The following CD247 variants were observed in gnomAD, a reference collection of about 807,000 sequenced individuals.
CD247 encodes the protein CD247 molecule, also known as T-cell surface glycoprotein CD3 zeta chain.
CD247 carries 13 observed loss-of-function variants against 30.0 expected under a neutral mutation model. The observed-to-expected ratio is 0.43, with a 90% CI of 0.28 to 0.69. The LOEUF (loss-of-function observed/expected upper bound fraction) is 0.69, where lower values mean the gene tolerates loss of function less well. CD247 is among the 30% of genes least tolerant of loss of function. The pLI is 0.16. For synonymous variants in CD247, 72 were observed against 80.0 expected (o/e 0.90, Z 0.53); for missense variants, 193 against 212.6 (o/e 0.91, Z 0.57).
chr1:167,499,871 A>G (rs1293359848), intron 1 of CD247, among the ~76,000 whole-genome samples: 1 of 152,216 alleles, frequency 6.6e-6, no homozygotes, highest in African/African-American at 2.4e-5. Flanking sequence ...AACAGAGGCC[A>G]TACCCACACA....
rs1651345315 is a variant in CD247, at chr1:167,432,954, TGTG to T, written c.429+67_429+69del. On this transcript the variant is annotated intron_variant, in intron 7 of 7. Coordinates refer to ENST00000362089, the MANE Select transcript of CD247 (RefSeq NM_198053.3). ...GAGCTGGTGCCACCAGCAGGCAAAATGTGGGGGCCTTGATCTTGCCCCTTGTCA... is the reference window on the plus strand; with the variant it reads ...GAGCTGGTGCCACCAGCAGGCAAAATGGGGCCTTGATCTTGCCCCTTGTCA... 7 of 1,551,956 alleles carry T rather than the reference TGTG, an allele frequency of 4.5e-6. No homozygotes were observed. In the Admixed American group the frequency reaches 1.2e-4, roughly 26 times the overall value.
intron 1 of CD247, among the ~76,000 whole-genome samples, chr1:167,516,787 G>A (rs1655622579): frequency 6.6e-6 from 1 of 152,112 alleles, no homozygotes; most frequent in Admixed American, 6.5e-5. Context: ...CCCTATTTGT[G>A]GAAATGAGGC....
At chr1:167,486,674 C>G (rs1053370167) in intron 1 of CD247, among the ~76,000 whole-genome samples, 1 of 152,224 alleles carries the variant, frequency 6.6e-6, no homozygotes, top group Non-Finnish European at 1.5e-5. Context: ...GGCTTGCTGC[C>G]TGCTGAGGGG....
chr1:167,450,816 G>A (rs1481497106), intron 1 of CD247, among the ~76,000 whole-genome samples: 1 of 151,646 alleles, frequency 6.6e-6, no homozygotes, highest in African/African-American at 2.4e-5. Flanking sequence ...GGGAGGCTGA[G>A]GGAGGAGAAT....
chr1:167,467,130 G>A (rs937293862), intron 1 of CD247, among the ~76,000 whole-genome samples: 1 of 152,202 alleles, frequency 6.6e-6, no homozygotes, highest in Non-Finnish European at 1.5e-5. Context: ...GAGCCACCGC[G>A]CCCGGCCCCT....
intron 1 of CD247, among the ~76,000 whole-genome samples, chr1:167,460,816 G>C (rs1352409695): frequency 6.6e-6 from 1 of 152,074 alleles, no homozygotes; most frequent in Non-Finnish European, 1.5e-5. Flanking sequence ...TTCAACTCTC[G>C]GGGAGTTATC....
intron 1 of CD247, among the ~76,000 whole-genome samples, chr1:167,469,781 A>G (rs1653423418): frequency 6.6e-6 from 1 of 152,192 alleles, no homozygotes; most frequent in Non-Finnish European, 1.5e-5. Flanking sequence ...ACTGGGGCAC[A>G]GCCTCCTTGG....
Position 167,482,260 on chromosome 1 carries a change from A to G in CD247, c.58+36148T>C, listed in dbSNP as rs114925268. ...CAAGCTGGCATCTCCTTTCTCAGTG[A>G]CCTTTCTGAACCTAAAGCTACCAGG... On this transcript the variant is annotated intron_variant, in intron 1 of 7. Transcript: ENST00000362089. 5.6e-3 allele frequency among the ~76,000 whole-genome samples: 848 copies of G among 152,232 alleles called. 8 individuals are homozygous for G. Among genetic ancestry groups the G allele is most frequent in the African/African-American group, 0.019 (777 of 41,522 alleles).
chr1:167,466,785 T>C (rs1375231699), intron 1 of CD247, among the ~76,000 whole-genome samples: 2 of 151,894 alleles, frequency 1.3e-5, no homozygotes, highest in Non-Finnish European at 2.9e-5. Flanking sequence ...GATTAGTTAG[T>C]TAACATGCAA....
intron 1 of CD247, among the ~76,000 whole-genome samples, chr1:167,508,525 A>G (rs1011990680): frequency 6.6e-6 from 1 of 152,238 alleles, no homozygotes; most frequent in African/African-American, 2.4e-5. Context: ...TTGTAGCTCA[A>G]TCTTTATTGT....
chr1:167,477,305 A>G (rs1359514929), intron 1 of CD247, among the ~76,000 whole-genome samples: 3 of 152,178 alleles, frequency 2.0e-5, no homozygotes, highest in Non-Finnish European at 2.9e-5. Flanking sequence ...GACCTTGACA[A>G]TTTTACCTGG....
intron 1 of CD247, among the ~76,000 whole-genome samples, chr1:167,473,161 G>A (rs1369172804): frequency 6.6e-6 from 1 of 151,406 alleles, no homozygotes; most frequent in African/African-American, 2.4e-5. Context: ...CTATTCTGAG[G>A]CCTTTCCTTG....
At chr1:167,442,754 C>T (rs1651899461) in intron 1 of CD247, among the ~76,000 whole-genome samples, 1 of 152,106 alleles carries the variant, frequency 6.6e-6, no homozygotes, top group South Asian at 2.1e-4. Flanking sequence ...CCTCTGTCCC[C>T]TGGCTTTTGA....
intron 1 of CD247, among the ~76,000 whole-genome samples, chr1:167,511,232 A>G (rs1430893145): frequency 2.0e-5 from 3 of 152,316 alleles, no homozygotes; most frequent in Middle Eastern, 3.4e-3. Flanking sequence ...TCTCATACAC[A>G]TAAAACCTTT....
intron 1 of CD247, among the ~76,000 whole-genome samples, chr1:167,465,715 T>C (rs1166943755): frequency 6.6e-6 from 1 of 152,190 alleles, no homozygotes; most frequent in Non-Finnish European, 1.5e-5. Context: ...TTCCCTGAAT[T>C]ATTTGGGGGA....
At chr1:167,433,331 CA>C in intron 6 of CD247, among the ~76,000 whole-genome samples, 1 of 152,344 alleles carries the variant, frequency 6.6e-6, no homozygotes, top group African/African-American at 2.4e-5. Context: ...CTAGGGCCCG[CA>C]GGACCTATAT....
chr1:167,459,663 T>C (rs1453160266), intron 1 of CD247: 1 of 152,186 alleles, frequency 6.6e-6, no homozygotes, highest in African/African-American at 2.4e-5. Flanking sequence ...CTCTTGTACC[T>C]TTTTTACATT....
At chr1:167,489,944 C>T (rs1183648766) in intron 1 of CD247, among the ~76,000 whole-genome samples, 2 of 152,184 alleles carry the variant, frequency 1.3e-5, no homozygotes, top group Non-Finnish European at 2.9e-5. Flanking sequence ...TCTGGGCAGC[C>T]AGGCCCAGGG....
intron 1 of CD247, among the ~76,000 whole-genome samples, chr1:167,445,350 A>G (rs1386980275): frequency 6.6e-6 from 1 of 152,108 alleles, no homozygotes; most frequent in Non-Finnish European, 1.5e-5. Context: ...CTTTAAGCCC[A>G]TGCACGATAA....
Sources: allele counts gnomAD v4.1 joint callset (sites outside exome capture counted in the v4.1 genomes callset), GRCh38; gene constraint gnomAD v4.1.1; transcripts MANE v1.5; gene names NCBI Gene and HGNC (gene_info 2026-07-23, HGNC 2026-07-21).